The following CFAP47 variants were observed in gnomAD, a reference collection of about 807,000 sequenced individuals.
CFAP47 encodes the protein cilia and flagella associated protein 47.
In CFAP47, 29 loss-of-function variants were observed where a neutral mutation model predicts 148.1. That is an observed-to-expected ratio of 0.20 (90% CI 0.15 to 0.27). The LOEUF (loss-of-function observed/expected upper bound fraction) is 0.27. Among genes scored for constraint, CFAP47 ranks in the 10% least tolerant of loss-of-function variants. The pLI, the probability that CFAP47 is intolerant of heterozygous loss-of-function variation, is 1.00. For missense variants in CFAP47, 1,872 were observed against 1,697.5 expected (o/e 1.10, Z -1.81); for synonymous variants, 664 against 577.3 (o/e 1.15, Z -2.15).
intron 7 of CFAP47, among the ~76,000 whole-genome samples, chrX:35,954,536 G>T (rs1936216370): frequency 8.9e-6 from 1 of 111,750 alleles, no homozygotes; most frequent in African/African-American, 3.2e-5. Flanking sequence ...AGACAGCAAT[G>T]AGAATTCCAC....
chrX:36,171,304 A>G (rs1384298742), intron 39 of CFAP47, among the ~76,000 whole-genome samples: 1 of 110,329 alleles, frequency 9.1e-6, no homozygotes, highest in East Asian at 2.8e-4. Flanking sequence ...GAGTTTAATT[A>G]GATCCCATTT....
intron 57 of CFAP47, among the ~76,000 whole-genome samples, chrX:36,331,078 T>C (rs1443528373): frequency 9.0e-6 from 1 of 111,565 alleles, no homozygotes; most frequent in Non-Finnish European, 1.9e-5. Context: ...CCACCAATTT[T>C]CTAACTTACT....
At chrX:36,134,179 A>G (rs1938999458) in intron 33 of CFAP47, among the ~76,000 whole-genome samples, 1 of 111,331 alleles carries the variant, frequency 9.0e-6, no homozygotes, top group South Asian at 3.6e-4. Context: ...GTGAGAAATA[A>G]ATAGAGAAAT....
chrX:36,237,990 T>C (rs1370456194), intron 48 of CFAP47, among the ~76,000 whole-genome samples: 4 of 111,979 alleles, frequency 3.6e-5, no homozygotes, highest in Non-Finnish European at 7.5e-5. Flanking sequence ...TGCCATCTCT[T>C]ACCTTCAAAA....
rs782158358 is a variant in CFAP47, at chrX:36,265,918, G to A, written c.7444+14474G>A. ...TTATTGCCCTTGAAGGTGTGACTGC[G>A]GTACAAGTTGTGTATAGTTGAATGA... On this transcript the variant is annotated intron_variant, in intron 49 of 63. Transcript: ENST00000378653. Among the ~76,000 whole-genome samples the A allele has an allele frequency of 4.6e-4, 51 of 111,566 alleles. No individual in the cohort carries two copies. In the South Asian group the frequency reaches 8.3e-3, roughly 18 times the overall value.
chrX:36,318,747 T>G (rs1171542322), intron 56 of CFAP47, among the ~76,000 whole-genome samples: 1 of 112,293 alleles, frequency 8.9e-6, no homozygotes, highest in Non-Finnish European at 1.9e-5. Flanking sequence ...TACAATCTAT[T>G]TTTAAACAGC....
intron 49 of CFAP47, among the ~76,000 whole-genome samples, chrX:36,259,823 A>G (rs1467971284): frequency 1.8e-5 from 2 of 111,422 alleles, no homozygotes; most frequent in Non-Finnish European, 3.8e-5. Context: ...GGTATTTAGC[A>G]TAGTACCTGA....
At chrX:35,934,832 C>T (rs1275972255) in intron 2 of CFAP47, among the ~76,000 whole-genome samples, 1 of 111,106 alleles carries the variant, frequency 9.0e-6, no homozygotes, top group African/African-American at 3.3e-5. Flanking sequence ...TCCTTCTGGC[C>T]CAGGGTGTGT....
rs775947756 is a variant in CFAP47 at position 35,923,818 on chromosome X, GAA to G, written c.250-2190_250-2189del. Among the ~76,000 whole-genome samples the G allele has an allele frequency of 7.2e-3, 608 of 84,413 alleles. 19 individuals are homozygous for G. The highest frequency in any genetic ancestry group is 0.028 in the African/African-American group (564 of 19,986). The allele number at this position is 84,413 out of a possible 115,157, so 73.3% of individuals were successfully genotyped here. On this transcript the variant is annotated intron_variant, in intron 1 of 63. Transcript: ENST00000378653. ...CTGGCGACAGAACGAGAATCCGTCT[GAA>G]AAAAAAAAGTGTATATATATATATA...
intron 23 of CFAP47, among the ~76,000 whole-genome samples, chrX:36,033,165 T>C (rs1937300148): frequency 1.8e-5 from 2 of 112,239 alleles, no homozygotes; most frequent in African/African-American, 6.5e-5. Context: ...ATGTTTGTGG[T>C]AATCTGTTAT....
At chrX:36,233,107 G>C (rs1168451215) in intron 46 of CFAP47, among the ~76,000 whole-genome samples, 1 of 111,858 alleles carries the variant, frequency 8.9e-6, no homozygotes, top group Admixed American at 9.5e-5. Context: ...TTGGGGTGGA[G>C]AGTTCTGTAG....
At chrX:36,054,918 G>A (rs1012391272) in intron 26 of CFAP47, among the ~76,000 whole-genome samples, 2 of 108,965 alleles carry the variant, frequency 1.8e-5, no homozygotes, top group African/African-American at 6.7e-5. Context: ...GACTACAGGC[G>A]CCCGCCACCA....
At chrX:35,969,999 G>A (rs1205105260) in intron 10 of CFAP47, among the ~76,000 whole-genome samples, 1 of 109,482 alleles carries the variant, frequency 9.1e-6, no homozygotes, top group Non-Finnish European at 1.9e-5. Flanking sequence ...CGCCATGTTG[G>A]TGTGCTGCAC....
At chrX:35,947,982 A>G (rs897357818) in intron 3 of CFAP47, among the ~76,000 whole-genome samples, 2 of 111,744 alleles carry the variant, frequency 1.8e-5, no homozygotes, top group African/African-American at 3.3e-5. Context: ...TTCTTGGTAC[A>G]CTGTAGACCA....
At chrX:36,170,759 G>A (rs750966574) in intron 39 of CFAP47, among the ~76,000 whole-genome samples, 27 of 107,679 alleles carry the variant, frequency 2.5e-4, no homozygotes, top group African/African-American at 6.5e-4. Context: ...ATAAACATAC[G>A]TGTGCATGTG....
intron 39 of CFAP47, among the ~76,000 whole-genome samples, chrX:36,167,130 A>C (rs1939501212): frequency 8.9e-6 from 1 of 111,937 alleles, no homozygotes; most frequent in Non-Finnish European, 1.9e-5. Context: ...ACAGGCCTGT[A>C]GTTTAGCTTG....
intron 57 of CFAP47, among the ~76,000 whole-genome samples, chrX:36,328,396 T>C (rs782005487): frequency 1.3e-4 from 15 of 112,598 alleles, no homozygotes; most frequent in African/African-American, 3.9e-4. Flanking sequence ...ACTTGATATA[T>C]AGATCAAATG....
In CFAP47 at chrX:36,219,448, T is replaced by C. The variant is rs144342515; in HGVS notation, c.6818-9180T>C. Among the ~76,000 whole-genome samples the C allele has an allele frequency of 1.3e-4, 15 of 111,430 alleles. No homozygotes were observed. In the East Asian group the frequency reaches 4.0e-3, roughly 30 times the overall value. On this transcript the variant is annotated intron_variant, in intron 45 of 63. Transcript: ENST00000378653. ...GTAATTCAATGTTTCAGGTTTCCCT[T>C]GGCCCAGAGGGGGTCCGTTCACTTG...
chrX:36,009,477 T>C (rs1937015920), intron 21 of CFAP47, among the ~76,000 whole-genome samples: 2 of 112,135 alleles, frequency 1.8e-5, no homozygotes, highest in Non-Finnish European at 3.8e-5. Context: ...ACAGGTTGTA[T>C]TTGAACATGA....
Sources: gnomAD v4.1 joint callset for allele counts (sites outside exome capture counted in the v4.1 genomes callset) on GRCh38, gnomAD v4.1.1 for gene constraint, MANE v1.5 for transcripts, NCBI Gene and HGNC (gene_info 2026-07-23, HGNC 2026-07-21) for gene names.